The following MAP2 variants were observed in gnomAD, a reference collection of about 807,000 sequenced individuals.
MAP2 encodes the protein microtubule-associated protein 2.
In MAP2, 14 loss-of-function variants were observed where a neutral mutation model predicts 137.6. The ratio of observed to expected loss-of-function variants is 0.10; its 90% confidence interval spans 0.07 to 0.16. The LOEUF (loss-of-function observed/expected upper bound fraction) is 0.16. MAP2 is among the 10% of genes least tolerant of loss of function. MAP2 has a pLI of 1.00. For synonymous variants in MAP2, 786 were observed against 782.3 expected, an observed-to-expected ratio of 1.00 and a Z score of -0.08; for missense variants, 2,088 against 2,191.5, an observed-to-expected ratio of 0.95 and a Z score of 0.94.
intron 1 of MAP2, among the ~76,000 whole-genome samples, chr2:209,460,733 TA>T (rs1417890956): frequency 6.6e-6 from 1 of 152,040 alleles, no homozygotes; most frequent in East Asian, 1.9e-4. Flanking sequence ...TGTGGGTAAT[TA>T]AAAAATGGAA....
chr2:209,607,988 C>T (rs763664987), intron 3 of MAP2, among the ~76,000 whole-genome samples: 1 of 152,152 alleles, frequency 6.6e-6, no homozygotes, highest in Non-Finnish European at 1.5e-5. Flanking sequence ...CATTTTCACC[C>T]TATTATATGC....
chr2:209,501,828 C>T (rs1311271461), intron 1 of MAP2, among the ~76,000 whole-genome samples: 2 of 152,056 alleles, frequency 1.3e-5, no homozygotes, highest in Admixed American at 6.6e-5. Context: ...ATTTACAAAG[C>T]ATCCGCTCCT....
chr2:209,522,919 T>A (rs2063488334), intron 2 of MAP2, among the ~76,000 whole-genome samples: 1 of 152,168 alleles, frequency 6.6e-6, no homozygotes, highest in Non-Finnish European at 1.5e-5. Flanking sequence ...GTTGTGACTC[T>A]AATAAATTTA....
At chr2:209,730,093 T>G in intron 15 of MAP2, 89 bp from the exon 16 acceptor site, 1 of 1,193,418 alleles carries the variant, frequency 8.4e-7, no homozygotes, top group Non-Finnish European at 1.2e-6. Flanking sequence ...TGAATAGAAG[T>G]CATTAATGTC....
chr2:209,694,872 A>G lies in MAP2; in HGVS notation c.2702A>G (p.Asp901Gly). Residue 901 changes from aspartate to glycine, a missense_variant, in exon 8 of 16, where the codon GAT becomes GGT. Asp to Gly is a moderately conservative substitution (Grantham distance 94, BLOSUM62 -1). Coordinates refer to ENST00000682079, the MANE Select transcript of MAP2 (RefSeq NM_001375505.1). ...GESGTFYEGTDDKVRRDLATD... is the reference protein window; with the variant it reads ...GESGTFYEGTGDKVRRDLATD... Reference sequence around the variant, plus strand: ...AGTGGTACCTTTTACGAAGGCACTGATGATAAAGTTCGAAGAGATTTGGCC... The same window carrying G: ...AGTGGTACCTTTTACGAAGGCACTGGTGATAAAGTTCGAAGAGATTTGGCC... 2 of 1,614,192 alleles carry G rather than the reference A, an allele frequency of 1.2e-6. No individual in the cohort carries two copies. The highest frequency in any genetic ancestry group is 1.7e-6 in the Non-Finnish European group (2 of 1,180,018).
At chr2:209,639,097 G>C (rs113482612) in intron 4 of MAP2, among the ~76,000 whole-genome samples, 15 of 151,916 alleles carry the variant, frequency 9.9e-5, no homozygotes, top group Non-Finnish European at 2.1e-4. Flanking sequence ...TAGGCTCTCT[G>C]TTGCTTAAGC....
chr2:209,462,012 A>G (rs1249664020), intron 1 of MAP2, among the ~76,000 whole-genome samples: 4 of 152,126 alleles, frequency 2.6e-5, no homozygotes, highest in Non-Finnish European at 5.9e-5. Context: ...AAGGGGCCCA[A>G]TAGTACCTCA....
At chr2:209,492,459 G>T (rs1328684017) in intron 1 of MAP2, among the ~76,000 whole-genome samples, 1 of 152,078 alleles carries the variant, frequency 6.6e-6, no homozygotes, top group Non-Finnish European at 1.5e-5. Context: ...GCAAGATAAA[G>T]AAATAAAGGG....
At chr2:209,700,834 C>T (rs2061575051) in intron 11 of MAP2, among the ~76,000 whole-genome samples, 1 of 152,008 alleles carries the variant, frequency 6.6e-6, no homozygotes, top group Non-Finnish European at 1.5e-5. Flanking sequence ...TTTTTCTATA[C>T]ATTTATAGGC....
At chr2:209,448,400 A>G (rs2149458032) in intron 1 of MAP2, among the ~76,000 whole-genome samples, 1 of 152,262 alleles carries the variant, frequency 6.6e-6, no homozygotes, top group South Asian at 2.1e-4. Flanking sequence ...CTGCTTCCCA[A>G]GGATTAACAG....
At chr2:209,513,248 G>C (rs1015048696) in intron 2 of MAP2, among the ~76,000 whole-genome samples, 1 of 152,022 alleles carries the variant, frequency 6.6e-6, no homozygotes, top group African/African-American at 2.4e-5. Flanking sequence ...TCAGGGAGAC[G>C]CTATATTTCT....
chr2:209,479,082 C>A (rs1343471265), intron 1 of MAP2, among the ~76,000 whole-genome samples: 1 of 152,112 alleles, frequency 6.6e-6, no homozygotes, highest in Non-Finnish European at 1.5e-5. Context: ...TATGTGTATT[C>A]ATTTTCAAAT....
intron 1 of MAP2, among the ~76,000 whole-genome samples, chr2:209,498,117 G>T (rs1393475821): frequency 6.6e-6 from 1 of 152,200 alleles, no homozygotes; most frequent in Non-Finnish European, 1.5e-5. Context: ...TACAATGGGG[G>T]TATAGGCACT....
intron 1 of MAP2, among the ~76,000 whole-genome samples, chr2:209,484,615 G>A (rs890533901): frequency 1.5e-4 from 23 of 152,118 alleles, no homozygotes; most frequent in African/African-American, 4.6e-4. Context: ...GCTTGAACCC[G>A]GGAGGTGGAG....
At chr2:209,485,610 A>C (rs1282089965) in intron 1 of MAP2, among the ~76,000 whole-genome samples, 1 of 152,220 alleles carries the variant, frequency 6.6e-6, no homozygotes, top group Non-Finnish European at 1.5e-5. Flanking sequence ...AGAGCCAGAT[A>C]AATCTAGGCC....
At chr2:209,555,121 A>G (rs914421161) in intron 2 of MAP2, among the ~76,000 whole-genome samples, 4 of 151,968 alleles carry the variant, frequency 2.6e-5, no homozygotes, top group Non-Finnish European at 5.9e-5. Context: ...GAAGATAGCA[A>G]AAGGGTGCCC....
chr2:209,728,935 T>TA (rs2075111307), intron 14 of MAP2, among the ~76,000 whole-genome samples: 1 of 152,176 alleles, frequency 6.6e-6, no homozygotes, highest in African/African-American at 2.4e-5. Flanking sequence ...GATGAGCAAA[T>TA]AAGGAGTCCA....
At chr2:209,585,960 A>G (rs999256239) in intron 3 of MAP2, among the ~76,000 whole-genome samples, 3 of 152,164 alleles carry the variant, frequency 2.0e-5, no homozygotes, top group Non-Finnish European at 4.4e-5. Flanking sequence ...CGATTCTATT[A>G]TACCCACTTT....
At chr2:209,469,833 T>C (rs1301846582) in intron 1 of MAP2, among the ~76,000 whole-genome samples, 1 of 152,228 alleles carries the variant, frequency 6.6e-6, no homozygotes, top group Non-Finnish European at 1.5e-5. Flanking sequence ...AGTTCTAGCA[T>C]TGCCACTCAC....
Sources: allele counts gnomAD v4.1 joint callset (sites outside exome capture counted in the v4.1 genomes callset), GRCh38; gene constraint gnomAD v4.1.1; transcripts MANE v1.5; gene names NCBI Gene and HGNC (gene_info 2026-07-23, HGNC 2026-07-21).